CALD1: variants seen among roughly 807,000 people sequenced by gnomAD.
The protein encoded by CALD1 is caldesmon.
A neutral mutation model predicts 99.9 loss-of-function variants in CALD1; 33 were observed. That is an observed-to-expected ratio of 0.33 (90% CI 0.25 to 0.44). The LOEUF (loss-of-function observed/expected upper bound fraction) is 0.44, where lower values mean the gene tolerates loss of function less well. CALD1 is among the 20% of genes least tolerant of loss of function. The probability of loss-of-function intolerance (pLI) is 1.00; values close to 1 mark genes in which losing one functional copy is unlikely to be tolerated. For synonymous variants in CALD1, 310 were observed against 325.0 expected (o/e 0.95, Z 0.50); for missense variants, 861 against 962.1 (o/e 0.89, Z 1.39).
chr7:134,753,891 C>G (rs960883997), intron 1 of CALD1, among the ~76,000 whole-genome samples: 3 of 152,248 alleles, frequency 2.0e-5, no homozygotes, highest in Non-Finnish European at 4.4e-5. Context: ...TTTGCCCACT[C>G]TGTTGCAAAC....
upstream of CALD1, among the ~76,000 whole-genome samples, chr7:134,775,476 C>T (rs961380148): frequency 6.6e-6 from 1 of 152,160 alleles, no homozygotes; most frequent in Admixed American, 6.5e-5. Flanking sequence ...CTTTGGGAGG[C>T]CGAGGCGGGT....
At chr7:134,837,342 T>G (rs1368955811) in intron 1 of CALD1, among the ~76,000 whole-genome samples, 1 of 134,530 alleles carries the variant, frequency 7.4e-6, no homozygotes, top group East Asian at 2.1e-4. Context: ...TCTTTCGTTC[T>G]CCTTTTTTTT....
chr7:134,773,276 CTTT>C (rs11345428), intron 1 of CALD1, among the ~76,000 whole-genome samples: 64 of 138,084 alleles, frequency 4.6e-4, no homozygotes, highest in African/African-American at 1.6e-3. Context: ...TTTTTCTGAA[CTTT>C]TTTTTTTTTT....
In CALD1 at chr7:134,968,452, A is replaced by T. The variant is rs6967047; in HGVS notation, c.*107A>T. On this transcript the variant is annotated 3_prime_UTR_variant, in exon 15 of 15. Coordinates refer to ENST00000361675, the MANE Select transcript of CALD1 (RefSeq NM_033138.4). ...GTTGATTTACTAAATTGGGTTCATT[A>T]TCTTTTATTTTTCAATATCCCAGTA... 19,563 of 964,788 alleles carry T rather than the reference A, an allele frequency of 0.02. 2,499 individuals carry two copies. The African/African-American group carries it at 0.27, about 14-fold the overall frequency. 59.8% of individuals were successfully genotyped at this position (964,788 alleles called of 1,614,324 possible).
intron 1 of CALD1, among the ~76,000 whole-genome samples, chr7:134,759,784 C>T (rs1003671533): frequency 2.0e-5 from 3 of 152,194 alleles, no homozygotes; most frequent in Non-Finnish European, 2.9e-5. Context: ...AGAATGAGCC[C>T]TCAAGGAGCT....
chr7:134,791,053 GTGAGATA>G (rs762891462), intron 1 of CALD1, among the ~76,000 whole-genome samples: 90,068 of 152,122 alleles, frequency 0.59, 27,386 homozygotes, highest in East Asian at 0.84. Flanking sequence ...ACCTTCCCAG[GTGAGATA>G]CTACTTATTA....
chr7:134,767,975 AT>A (rs1306672860), intron 1 of CALD1, among the ~76,000 whole-genome samples: 3 of 152,220 alleles, frequency 2.0e-5, no homozygotes, highest in Non-Finnish European at 4.4e-5. Context: ...TCAGATACCC[AT>A]TGGAGACTGG....
intron 3 of CALD1, among the ~76,000 whole-genome samples, chr7:134,873,906 T>G (rs1801223274): frequency 6.6e-6 from 1 of 152,212 alleles, no homozygotes; most frequent in South Asian, 2.1e-4. Context: ...TTATTATTAT[T>G]TAATTTGATT....
upstream of CALD1, among the ~76,000 whole-genome samples, chr7:134,776,289 TA>T (rs1309645099): frequency 6.6e-6 from 1 of 152,202 alleles, no homozygotes; most frequent in African/African-American, 2.4e-5. Flanking sequence ...TCATTATGTT[TA>T]AAAAGATTCT....
intron 1 of CALD1, among the ~76,000 whole-genome samples, chr7:134,759,072 T>C (rs1260752317): frequency 6.6e-6 from 1 of 152,212 alleles, no homozygotes; most frequent in Non-Finnish European, 1.5e-5. Context: ...TAGTGTACTG[T>C]GACCCCATAT....
At chr7:134,941,283 GAA>G (rs112804599) in intron 7 of CALD1, 46 bp downstream of exon 7, 3,519 of 1,057,076 alleles carry the variant, frequency 3.3e-3, no homozygotes, top group South Asian at 5.0e-3. Flanking sequence ...CACATGCAAA[GAA>G]AAAAAAAAAA....
chr7:134,855,007 G>A (rs534862939), intron 2 of CALD1, among the ~76,000 whole-genome samples: 38 of 152,234 alleles, frequency 2.5e-4, no homozygotes, highest in Middle Eastern at 3.4e-3. Flanking sequence ...TCCTACTCCC[G>A]CCATGTCAGG....
intron 3 of CALD1, among the ~76,000 whole-genome samples, chr7:134,892,918 A>T (rs1346990040): frequency 6.7e-6 from 1 of 150,322 alleles, no homozygotes; most frequent in East Asian, 2.0e-4. Flanking sequence ...ACTTCCTTGG[A>T]ATCCTAGGTC....
intron 1 of CALD1, among the ~76,000 whole-genome samples, chr7:134,750,520 C>G (rs1413746278): frequency 6.6e-6 from 1 of 152,136 alleles, no homozygotes; most frequent in Non-Finnish European, 1.5e-5. Context: ...AGAACCATAC[C>G]TAGCTTCTGC....
At chr7:134,825,871 C>T (rs1447187031) in intron 1 of CALD1, among the ~76,000 whole-genome samples, 2 of 151,982 alleles carry the variant, frequency 1.3e-5, no homozygotes, top group African/African-American at 2.4e-5. Flanking sequence ...CTGGGTATGC[C>T]GGGGAGAAAT....
At chr7:134,877,905 CTAATT>C in intron 3 of CALD1, among the ~76,000 whole-genome samples, 1 of 152,216 alleles carries the variant, frequency 6.6e-6, no homozygotes. Flanking sequence ...TCCCAAATTA[CTAATT>C]TATTCATTTT....
chr7:134,967,974 C>T (rs928353232), intron 14 of CALD1, among the ~76,000 whole-genome samples: 26 of 151,918 alleles, frequency 1.7e-4, no homozygotes, highest in African/African-American at 5.6e-4. Context: ...AGGGAAACCC[C>T]GTCTCTACCA....
chr7:134,908,911 T>G (rs1227443698), intron 3 of CALD1, among the ~76,000 whole-genome samples: 1 of 152,224 alleles, frequency 6.6e-6, no homozygotes, highest in Admixed American at 6.5e-5. Context: ...AGAATTGTGC[T>G]TTCAACCAAA....
intron 1 of CALD1, among the ~76,000 whole-genome samples, chr7:134,796,092 T>C (rs1046141309): frequency 6.6e-6 from 1 of 152,372 alleles, no homozygotes; most frequent in African/African-American, 2.4e-5. Context: ...TAATTCTTTT[T>C]TGAGAGAGTG....
Sources: allele counts gnomAD v4.1 joint callset (sites outside exome capture counted in the v4.1 genomes callset), GRCh38; gene constraint gnomAD v4.1.1; transcripts MANE v1.5; gene names NCBI Gene and HGNC (gene_info 2026-07-23, HGNC 2026-07-21).